SEC11A: variants seen among roughly 807,000 people sequenced by gnomAD.
SEC11A encodes the protein SEC11 homolog A, signal peptidase complex subunit.
In SEC11A, 14 loss-of-function variants were observed where a neutral mutation model predicts 25.6. The ratio of observed to expected loss-of-function variants is 0.55; its 90% CI spans 0.36 to 0.85. The LOEUF is 0.85. Among genes scored for constraint, SEC11A ranks in the 40% least tolerant of loss-of-function variants. SEC11A has a pLI of 0.01. For missense variants in SEC11A, 153 were observed against 222.9 expected (o/e 0.69, Z 2.00); for synonymous variants, 83 against 76.4 (o/e 1.09, Z -0.45).
intron 1 of SEC11A, among the ~76,000 whole-genome samples, chr15:84,696,596 T>G (rs1251631831): frequency 6.6e-6 from 1 of 152,140 alleles, no homozygotes; most frequent in South Asian, 2.1e-4. Flanking sequence ...GTCAGATGTG[T>G]TCCAGGATTC....
chr15:84,708,757 C>T (rs770325673), intron 1 of SEC11A, among the ~76,000 whole-genome samples: 4 of 151,272 alleles, frequency 2.6e-5, no homozygotes, highest in Non-Finnish European at 5.9e-5. Context: ...CACTGGACTC[C>T]AGCCTAGGTG....
intron 1 of SEC11A, among the ~76,000 whole-genome samples, chr15:84,704,396 T>C (rs1014841632): frequency 2.6e-5 from 4 of 152,094 alleles, no homozygotes; most frequent in East Asian, 3.8e-4. Context: ...AATAATAGAA[T>C]AGTAGGCCAG....
At chr15:84,674,797 C>T (rs1037029771) in intron 4 of SEC11A, among the ~76,000 whole-genome samples, 6 of 152,142 alleles carry the variant, frequency 3.9e-5, no homozygotes, top group African/African-American at 1.4e-4. Context: ...TGGGCTCCAG[C>T]GGTTCTCCCA....
intron 3 of SEC11A, among the ~76,000 whole-genome samples, chr15:84,685,687 C>T (rs1897399078): frequency 1.3e-5 from 2 of 151,960 alleles, no homozygotes; most frequent in African/African-American, 4.8e-5. Context: ...AAAGTTGGTT[C>T]AGCTTTGTTC....
chr15:84,670,058 G>A lies in SEC11A; in HGVS notation c.501C>T (p.Leu167=). 1 of 1,613,252 alleles carries A rather than the reference G, an allele frequency of 6.2e-7. No homozygotes were observed. The highest frequency in any genetic ancestry group is 8.5e-7 in the Non-Finnish European group (1 of 1,179,566). ...NDYPKFKYAV[L]FLLGLFVLVH... Reference sequence around the variant, plus strand: ...CCAGCACGAATAAACCCAGCAAAAAGAGAACTGCATACTAGAAAATAAACA... The same window carrying A: ...CCAGCACGAATAAACCCAGCAAAAAAAGAACTGCATACTAGAAAATAAACA... The change falls in exon 6 of 6, where the codon CTC becomes CTT. Residue 167 remains leucine (L), a synonymous_variant. Transcript: ENST00000268220.
intron 4 of SEC11A, among the ~76,000 whole-genome samples, chr15:84,674,952 G>T (rs1897098395): frequency 6.6e-6 from 1 of 152,084 alleles, no homozygotes; most frequent in South Asian, 2.1e-4. Context: ...CAAGATCTAA[G>T]GATCCCAGAA....
At chr15:84,700,862 C>T (rs1053122957) in intron 1 of SEC11A, among the ~76,000 whole-genome samples, 17 of 151,098 alleles carry the variant, frequency 1.1e-4, no homozygotes, top group Admixed American at 6.6e-5. Flanking sequence ...TGCCTGTAAT[C>T]CCAGCTACTA....
intron 2 of SEC11A, 77 bp downstream of exon 2, chr15:84,691,458 T>C (rs1208200025): frequency 7.7e-6 from 6 of 776,428 alleles, no homozygotes; most frequent in African/African-American, 1.7e-5. Flanking sequence ...GAGAATGATA[T>C]GCCAGTTATT....
Position 84,689,346 on chromosome 15 carries a change from C to T in SEC11A, c.162-1572G>A, listed in dbSNP as rs942519167. ...GTGATGATGGTTTCACAGGAATATA[C>T]TTACCTGCAAATTGATCAAGTTGTA... On this transcript the variant is annotated intron_variant, in intron 2 of 5. Transcript: ENST00000268220. 5.9e-5 allele frequency among the ~76,000 whole-genome samples: 9 copies of T among 152,132 alleles called. No homozygotes were observed. In the East Asian group the frequency reaches 1.5e-3, roughly 26 times the overall value.
intron 4 of SEC11A, among the ~76,000 whole-genome samples, chr15:84,677,265 G>A (rs989186848): frequency 2.0e-5 from 3 of 151,658 alleles, no homozygotes; most frequent in African/African-American, 7.3e-5. Context: ...CTCAGTAGAG[G>A]TACAATCAAT....
chr15:84,699,265 A>G (rs1229495230), intron 1 of SEC11A, among the ~76,000 whole-genome samples: 1 of 148,242 alleles, frequency 6.7e-6, no homozygotes, highest in Non-Finnish European at 1.5e-5. Flanking sequence ...CAGTGAGCTG[A>G]GATCACACCA....
chr15:84,705,751 A>C (rs1466284963), intron 1 of SEC11A, among the ~76,000 whole-genome samples: 2 of 151,586 alleles, frequency 1.3e-5, no homozygotes, highest in African/African-American at 4.8e-5. Context: ...GCTACTCAGG[A>C]GACTGAGGCA....
intron 4 of SEC11A, 64 bp downstream of exon 4, chr15:84,680,649 T>C (rs545230965): frequency 6.9e-7 from 1 of 1,453,894 alleles, no homozygotes; most frequent in African/African-American, 1.4e-5. Context: ...GATCAAATAA[T>C]ATGATTGAGA....
Position 84,670,206 on chromosome 15 carries a change from A to T in SEC11A, c.490-137T>A, listed in dbSNP as rs372038809. On this transcript the variant is annotated intron_variant, in intron 5 of 5. Transcript: ENST00000268220. ...TTCTTTCATCTTTTAACTATAATCC[A>T]TTTAAAAGTTTCCAATACTAAGCAA... is the stretch of plus-strand genomic sequence containing the variant. 3.4e-5 allele frequency: 25 copies of T among 735,082 alleles called. No individual in the cohort carries two copies. The East Asian group carries it at 4.9e-4, about 14-fold the overall frequency. The allele number at this position is 735,082 out of a possible 1,614,324, so 45.5% of individuals were successfully genotyped here.
chr15:84,687,853 A>C, intron 2 of SEC11A, 79 bp from the exon 3 acceptor site: 1 of 1,221,058 alleles, frequency 8.2e-7, no homozygotes, highest in East Asian at 2.6e-5. Flanking sequence ...ATTCAACAAA[A>C]TAAAAAATAT....
chr15:84,670,754 T>G lies in SEC11A; in HGVS notation c.460A>C (p.Ile154Leu). Residue 154 changes from isoleucine to leucine, a missense_variant, in exon 5 of 6, where the codon ATC (isoleucine) becomes CTC (leucine). Coordinates refer to ENST00000268220, the MANE Select transcript of SEC11A (RefSeq NM_014300.4). The part of the protein sequence containing the change: ...GFVPYIGIVT[I>L]LMNDYPKFKY... ...AATTTAGGATAGTCATTCATGAGGATCGTCACAATTCCAATATAAGGAACA... is the reference window on the plus strand; with the variant it reads ...AATTTAGGATAGTCATTCATGAGGAGCGTCACAATTCCAATATAAGGAACA... The G allele has an allele frequency of 1.4e-6, 2 of 1,461,078 alleles. No individual in the cohort carries two copies. Among genetic ancestry groups the G allele is most frequent in the Non-Finnish European group, 1.9e-6 (2 of 1,068,446 alleles). The allele number at this position is 1,461,078 out of a possible 1,614,324, so 90.5% of individuals were successfully genotyped here. A position where few individuals can be genotyped will look rare whatever the true frequency, so the allele number is the denominator to read the frequency against.
intron 1 of SEC11A, among the ~76,000 whole-genome samples, chr15:84,703,177 A>G (rs529632985): frequency 1.7e-4 from 26 of 152,278 alleles, no homozygotes; most frequent in African/African-American, 6.0e-4. Flanking sequence ...TTTGTTTGCT[A>G]CTGAGTTCTT....
At chr15:84,690,604 G>A (rs1004122201) in intron 2 of SEC11A, among the ~76,000 whole-genome samples, 3 of 128,774 alleles carry the variant, frequency 2.3e-5, no homozygotes, top group Admixed American at 7.8e-5. Flanking sequence ...GTAACAGAGC[G>A]AGACCCCATC....
chr15:84,700,274 A>G (rs1028745630), intron 1 of SEC11A, among the ~76,000 whole-genome samples: 2 of 151,856 alleles, frequency 1.3e-5, no homozygotes, highest in Admixed American at 6.6e-5. Flanking sequence ...AAACAGACCC[A>G]GAAATGGCAG....
Sources: gnomAD v4.1 joint callset for allele counts (sites outside exome capture counted in the v4.1 genomes callset) on GRCh38, gnomAD v4.1.1 for gene constraint, MANE v1.5 for transcripts, NCBI Gene and HGNC (gene_info 2026-07-23, HGNC 2026-07-21) for gene names.